Variants in SV2B observed in about 807,000 individuals in gnomAD.
SV2B encodes the protein solute carrier family 22 member B2.
In SV2B, 41 loss-of-function variants were observed where a neutral mutation model predicts 73.9. The ratio of observed to expected loss-of-function variants is 0.56; its 90% CI spans 0.43 to 0.72. The LOEUF (loss-of-function observed/expected upper bound fraction) is 0.72. Ranked by LOEUF, SV2B falls within the 30% of genes least tolerant of loss-of-function variation. The pLI is 0.00. For synonymous variants in SV2B, 314 were observed against 314.2 expected (o/e 1.00, Z 0.01); for missense variants, 764 against 857.8 (o/e 0.89, Z 1.37).
At position 91,132,930 on chromosome 15, in the gene SV2B, G is replaced by A. The variant is rs542035550; in HGVS notation, c.-392+32567G>A. On this transcript the variant is annotated intron_variant, in intron 1 of 12. Transcript: ENST00000394232. This position sits in a 1 kb window ranked among gnomAD's most constrained non-coding sequence, Gnocchi z 4.6. ...GGGAATTGGCGCCATTTCACTTAAG[G>A]CCAGTGCATAATAAGGGCTAAAAGA... is the stretch of plus-strand genomic sequence containing the variant. 5.3e-5 allele frequency among the ~76,000 whole-genome samples: 8 copies of A among 152,330 alleles called. No individual in the cohort carries two copies. In the South Asian group the frequency reaches 1.7e-3, roughly 32 times the overall value.
chr15:91,158,309 A>G (rs941314752), intron 1 of SV2B, among the ~76,000 whole-genome samples: 5 of 152,106 alleles, frequency 3.3e-5, no homozygotes, highest in African/African-American at 9.7e-5. Context: ...TGGGCAAGTT[A>G]CTTAACTCTT....
Position 91,115,066 on chromosome 15 carries a change from T to C in SV2B, c.-392+14703T>C, listed in dbSNP as rs982297964. ...AGGTAGTGAGGAAAGGGGAGTTTCT[T>C]AAAGGAACACTGGAGAGTTGTTACT... On this transcript the variant is annotated intron_variant, in intron 1 of 12. Coordinates refer to ENST00000394232, the MANE Select transcript of SV2B (RefSeq NM_001323032.3). This position sits in a 1 kb window ranked among gnomAD's most constrained non-coding sequence, Gnocchi z 4.3. Among the ~76,000 whole-genome samples the C allele has an allele frequency of 6.6e-6, 1 of 152,178 alleles. No individual in the cohort carries two copies. Among genetic ancestry groups the C allele is most frequent in the Non-Finnish European group, 1.5e-5 (1 of 68,032 alleles).
chr15:91,191,642 C>T (rs1192053809), intron 1 of SV2B, among the ~76,000 whole-genome samples: 3 of 152,194 alleles, frequency 2.0e-5, no homozygotes, highest in Non-Finnish European at 2.9e-5. Flanking sequence ...ACTGCGGTAG[C>T]TCAAATACAA....
intron 1 of SV2B, among the ~76,000 whole-genome samples, chr15:91,116,423 A>G (rs956129382): frequency 3.9e-5 from 6 of 152,202 alleles, no homozygotes; most frequent in Admixed American, 2.0e-4. Flanking sequence ...ATTGTGTAAT[A>G]ATTTTTGAGA....
intron 1 of SV2B, among the ~76,000 whole-genome samples, chr15:91,182,399 A>T (rs1370038896): frequency 2.0e-5 from 3 of 152,238 alleles, no homozygotes; most frequent in African/African-American, 7.2e-5. Context: ...ATGCATGAAT[A>T]ACTAAAGAAA....
rs567892905 is a variant in SV2B, at chr15:91,243,854, T to C, written c.452-7965T>C. On this transcript the variant is annotated intron_variant, in intron 2 of 12. Coordinates refer to ENST00000394232, the MANE Select transcript of SV2B (RefSeq NM_001323032.3). ...CTGTAGACCCTCACCTCTGGGCCTATTGGACACATTCAGAACCTAGAACTT... is the reference window on the plus strand; with the variant it reads ...CTGTAGACCCTCACCTCTGGGCCTACTGGACACATTCAGAACCTAGAACTT... 6.6e-4 allele frequency among the ~76,000 whole-genome samples: 100 copies of C among 152,248 alleles called. 1 individual carries two copies. The highest frequency in any genetic ancestry group is 2.3e-3 in the African/African-American group (95 of 41,536).
chr15:91,134,004 C>CTTTTTTTATTTTTTT (rs2042737380), intron 1 of SV2B, among the ~76,000 whole-genome samples: 1 of 106,242 alleles, frequency 9.4e-6, no homozygotes, highest in African/African-American at 4.0e-5. Flanking sequence ...TTCTTTCTTC[C>CTTTTTTTATTTTTTT]TTTTTTTTTT....
At position 91,229,884 on chromosome 15, in the gene SV2B, G is replaced by T. The variant is rs1286659808; in HGVS notation, c.451+3170G>T. Among the ~76,000 whole-genome samples the T allele has an allele frequency of 6.6e-6, 1 of 152,166 alleles. No individual in the cohort carries two copies. The highest frequency in any genetic ancestry group is 1.5e-5 in the Non-Finnish European group (1 of 68,030). On this transcript the variant is annotated intron_variant, in intron 2 of 12. Coordinates refer to ENST00000394232, the MANE Select transcript of SV2B (RefSeq NM_001323032.3). The surrounding 1 kb of genome is among the most constrained non-coding windows in gnomAD (Gnocchi z 4.3). ...CTATCCTGCCTCAGCTGGCGAAAAG[G>T]CTGTTTATGTTTGAGTGCTGCTAAC...
At position 91,226,343 on chromosome 15, in the gene SV2B, C is replaced by G; in HGVS notation, c.80C>G (p.Pro27Arg). 6.2e-7 allele frequency: 1 copy of G among 1,614,122 alleles called. No homozygotes were observed. Among genetic ancestry groups the G allele is most frequent in the Non-Finnish European group, 8.5e-7 (1 of 1,180,032 alleles). ...DGYYRGNESN[P>R]EEDAQSDVTE... ...TATTACCGCGGCAATGAGTCCAACC[C>G]AGAAGAAGATGCACAGAGTGATGTC... Residue 27 changes from proline to arginine, a missense_variant, in exon 2 of 13, where the codon CCA becomes CGA. Pro to Arg is a moderately radical substitution (Grantham distance 103). Transcript: ENST00000394232.
intron 1 of SV2B, among the ~76,000 whole-genome samples, chr15:91,202,390 T>C (rs933634266): frequency 6.6e-6 from 1 of 152,174 alleles, no homozygotes; most frequent in African/African-American, 2.4e-5. Flanking sequence ...AATGAATGAG[T>C]TGAATACTCA....
In SV2B at chr15:91,292,627, C is replaced by T; in HGVS notation, c.*75C>T. 1.3e-6 allele frequency: 2 copies of T among 1,531,318 alleles called. No individual in the cohort carries two copies. Among genetic ancestry groups the T allele is most frequent in the Non-Finnish European group, 1.8e-6 (2 of 1,138,394 alleles). The allele number at this position is 1,531,318 out of a possible 1,614,324, so 94.9% of individuals were successfully genotyped here. On this transcript the variant is annotated 3_prime_UTR_variant, in exon 13 of 13. Transcript: ENST00000394232. ...AAATGCATCCACACTTCCTGCCTAT[C>T]ACGGTCCGGAGGACACCTTGGATAG...
chr15:91,201,962 C>T (rs1283985409), intron 1 of SV2B, among the ~76,000 whole-genome samples: 1 of 152,186 alleles, frequency 6.6e-6, no homozygotes, highest in Non-Finnish European at 1.5e-5. Context: ...TAAGATTTGC[C>T]AGAGCATGCC....
chr15:91,210,281 A>G (rs926304125), intron 1 of SV2B, among the ~76,000 whole-genome samples: 2 of 151,954 alleles, frequency 1.3e-5, no homozygotes. Context: ...AGAGCTGTAG[A>G]CTGACAGTCT....
chr15:91,124,757 G>C lies in SV2B; in HGVS notation c.-392+24394G>C, dbSNP rs55886708. Among the ~76,000 whole-genome samples the C allele has an allele frequency of 6.6e-6, 1 of 151,836 alleles. No individual in the cohort carries two copies. Among genetic ancestry groups the C allele is most frequent in the Non-Finnish European group, 1.5e-5 (1 of 67,980 alleles). On this transcript the variant is annotated intron_variant, in intron 1 of 12. Transcript: ENST00000394232. This position sits in a 1 kb window ranked among gnomAD's most constrained non-coding sequence, Gnocchi z 4.6. Reference sequence around the variant, plus strand: ...CAACCTCCACCTCCTGGGTTCAAGCGATTCTTGAGCCTCAGCATCCCAAGT... The same window carrying C: ...CAACCTCCACCTCCTGGGTTCAAGCCATTCTTGAGCCTCAGCATCCCAAGT...
rs2049219517 is a variant in SV2B at position 91,296,247 on chromosome 15, A to T, written c.*3695A>T. 2 of 152,266 alleles carry T rather than the reference A, an allele frequency of 1.3e-5. No individual in the cohort carries two copies. The highest frequency in any genetic ancestry group is 1.5e-5 in the Non-Finnish European group (1 of 68,060). 9.4% of individuals were successfully genotyped at this position (152,266 alleles called of 1,614,324 possible). On this transcript the variant is annotated 3_prime_UTR_variant, in exon 13 of 13. Coordinates refer to ENST00000394232, the MANE Select transcript of SV2B (RefSeq NM_001323032.3). ...CCGTAGCCCTGGGAAAGGTGTCTCC[A>T]CTTCCACATCTGGCTTTTCTAGGGG...
intron 1 of SV2B, among the ~76,000 whole-genome samples, chr15:91,186,960 T>C (rs1431579264): frequency 3.9e-5 from 6 of 152,212 alleles, no homozygotes; most frequent in South Asian, 2.1e-4. Context: ...ACAAAAGAAA[T>C]TTATTTTCAG....
Position 91,110,111 on chromosome 15 carries a change from G to A in SV2B, c.-392+9748G>A, listed in dbSNP as rs1331988678. Among the ~76,000 whole-genome samples the A allele has an allele frequency of 1.3e-5, 2 of 152,178 alleles. No homozygotes were observed. Among genetic ancestry groups the A allele is most frequent in the East Asian group, 1.9e-4 (1 of 5,188 alleles). ...GCTCACTCAGGAGTAATGATGGACA[G>A]CTCATTTATCCATTAACGTGTTCTG... On this transcript the variant is annotated intron_variant, in intron 1 of 12. Transcript: ENST00000394232. The surrounding 1 kb of genome is among the most constrained non-coding windows in gnomAD (Gnocchi z 5.4).
rs2046993288 is a variant in SV2B at position 91,241,109 on chromosome 15, T to G, written c.452-10710T>G. Among the ~76,000 whole-genome samples the G allele has an allele frequency of 6.6e-6, 1 of 152,242 alleles. No homozygotes were observed. Among genetic ancestry groups the G allele is most frequent in the South Asian group, 2.1e-4 (1 of 4,830 alleles). Reference sequence around the variant, plus strand: ...CCAACCATCTCTCTATTATTGTCCTTGGAGATTTTAATAAGTGATTTCCAT... The same window carrying G: ...CCAACCATCTCTCTATTATTGTCCTGGGAGATTTTAATAAGTGATTTCCAT... On this transcript the variant is annotated intron_variant, in intron 2 of 12. Coordinates refer to ENST00000394232, the MANE Select transcript of SV2B (RefSeq NM_001323032.3). The surrounding 1 kb of genome is among the most constrained non-coding windows in gnomAD (Gnocchi z 4.8).
Position 91,198,000 on chromosome 15 carries a change from A to G in SV2B, c.-391-27873A>G, listed in dbSNP as rs1438727409. On this transcript the variant is annotated intron_variant, in intron 1 of 12. Transcript: ENST00000394232. This position sits in a 1 kb window ranked among gnomAD's most constrained non-coding sequence, Gnocchi z 4.9. ...CAGTGAACCGAGATCGTGCCATTAC[A>G]CTACAGCCTGGGCAACAGAGCGAGA... 6.6e-6 allele frequency among the ~76,000 whole-genome samples: 1 copy of G among 152,206 alleles called. No individual in the cohort carries two copies. Among genetic ancestry groups the G allele is most frequent in the Non-Finnish European group, 1.5e-5 (1 of 68,044 alleles).
Sources: gnomAD v4.1 joint callset for allele counts (sites outside exome capture counted in the v4.1 genomes callset) on GRCh38, gnomAD v4.1.1 for gene constraint, Gnocchi (gnomAD v3.1) non-coding constraint, MANE v1.5 for transcripts, NCBI Gene and HGNC (gene_info 2026-07-23, HGNC 2026-07-21) for gene names.